The following PSD3 variants were observed in gnomAD, a reference collection of about 807,000 sequenced individuals.
The protein encoded by PSD3 is pleckstrin and Sec7 domain containing 3.
A neutral mutation model predicts 105.5 loss-of-function variants in PSD3; 49 were observed. The ratio of observed to expected loss-of-function variants is 0.46; its 90% CI spans 0.37 to 0.59. PSD3 has a LOEUF of 0.59. PSD3 is among the 20% of genes least tolerant of loss of function. PSD3 has a pLI of 0.00. For synonymous variants in PSD3, 557 were observed against 457.8 expected, an observed-to-expected ratio of 1.22 and a Z score of -2.77; for missense variants, 1,561 against 1,263.8, an observed-to-expected ratio of 1.24 and a Z score of -3.57.
In PSD3 at chr8:19,078,343, C is replaced by A. The variant is rs182604056; in HGVS notation, c.324+5863G>T. 4.6e-5 allele frequency among the ~76,000 whole-genome samples: 7 copies of A among 152,278 alleles called. No individual in the cohort carries two copies. In the East Asian group the frequency reaches 9.6e-4, roughly 21 times the overall value. ...CAAAGGATGCTGTTTTTAAAAATCT[C>A]CCCAAAGTCTATAACATGTATAATT... On this transcript the variant is annotated intron_variant, in intron 1 of 1. Transcript: ENST00000521475.
chr8:19,021,360 C>G (rs1055971628), intron 1 of PSD3, among the ~76,000 whole-genome samples: 10 of 152,072 alleles, frequency 6.6e-5, no homozygotes, highest in Non-Finnish European at 1.5e-5. Context: ...AGAGATAGTG[C>G]TATATGCCTG....
intron 11 of PSD3, among the ~76,000 whole-genome samples, chr8:18,608,766 A>T (rs981364207): frequency 3.9e-5 from 6 of 152,196 alleles, no homozygotes; most frequent in African/African-American, 1.4e-4. Context: ...TTTATGCCAG[A>T]AAAGTTTTTT....
intron 8 of PSD3, among the ~76,000 whole-genome samples, chr8:18,798,901 T>C (rs754566777): frequency 7.2e-5 from 11 of 152,204 alleles, no homozygotes; most frequent in Non-Finnish European, 8.8e-5. Flanking sequence ...GGCTGAGTTA[T>C]TCAACTCACT....
intron 8 of PSD3, 85 bp from the exon 9 acceptor site, chr8:18,765,623 T>C (rs1226601621): frequency 3.3e-6 from 4 of 1,206,014 alleles, no homozygotes; most frequent in African/African-American, 1.5e-5. Context: ...AGACCAATAA[T>C]TTGTTTCTAA....
chr8:18,596,408 A>G (rs1485282740), intron 12 of PSD3, among the ~76,000 whole-genome samples: 1 of 152,042 alleles, frequency 6.6e-6, no homozygotes, highest in African/African-American at 2.4e-5. Context: ...GAAATAGAGA[A>G]ATGAAAATCA....
chr8:18,573,749 A>C (rs1802301222), intron 13 of PSD3, among the ~76,000 whole-genome samples: 1 of 152,192 alleles, frequency 6.6e-6, no homozygotes, highest in Non-Finnish European at 1.5e-5. Context: ...GCAATACTGC[A>C]GAGGCAGAAA....
At chr8:18,954,177 C>T (rs1157138627) in intron 1 of PSD3, among the ~76,000 whole-genome samples, 3 of 151,890 alleles carry the variant, frequency 2.0e-5, no homozygotes, top group Non-Finnish European at 4.4e-5. Flanking sequence ...TCTGTATTAG[C>T]CATAAATATT....
At chr8:18,552,225 C>A (rs1800811093) in intron 15 of PSD3, among the ~76,000 whole-genome samples, 2 of 152,178 alleles carry the variant, frequency 1.3e-5, no homozygotes, top group South Asian at 4.1e-4. Context: ...GTAGCCCAGT[C>A]ATGGATTTAA....
intron 15 of PSD3, among the ~76,000 whole-genome samples, chr8:18,551,375 T>C (rs1211514928): frequency 1.3e-5 from 2 of 152,208 alleles, no homozygotes; most frequent in Non-Finnish European, 2.9e-5. Flanking sequence ...CAGATATGAA[T>C]GGTTATGGGC....
chr8:18,925,409 A>G (rs1821299416), intron 2 of PSD3, among the ~76,000 whole-genome samples: 1 of 151,870 alleles, frequency 6.6e-6, no homozygotes, highest in Non-Finnish European at 1.5e-5. Context: ...ATATATATAC[A>G]CACACACACA....
At chr8:18,547,991 T>C (rs1800547093) in intron 15 of PSD3, among the ~76,000 whole-genome samples, 1 of 152,174 alleles carries the variant, frequency 6.6e-6, no homozygotes, top group African/African-American at 2.4e-5. Flanking sequence ...CTCCCTTCCT[T>C]TTCATTCTTT....
At chr8:19,075,921 T>C (rs6586802) in intron 1 of PSD3, among the ~76,000 whole-genome samples, 63,829 of 152,082 alleles carry the variant, frequency 0.42, 13,988 homozygotes, top group East Asian at 0.72. Context: ...TAATCAACAA[T>C]GTAATTCCTG....
At chr8:18,586,322 T>C (rs911531812) in intron 12 of PSD3, among the ~76,000 whole-genome samples, 4 of 152,186 alleles carry the variant, frequency 2.6e-5, no homozygotes, top group Admixed American at 1.3e-4. Flanking sequence ...CTGATGACTA[T>C]TGTGACTTTT....
At chr8:18,907,864 T>C (rs1819949724) in intron 2 of PSD3, among the ~76,000 whole-genome samples, 1 of 152,246 alleles carries the variant, frequency 6.6e-6, no homozygotes, top group Non-Finnish European at 1.5e-5. Flanking sequence ...ATTTAAACTT[T>C]TTTCAATAAG....
intron 1 of PSD3, among the ~76,000 whole-genome samples, chr8:19,024,564 ACTTACGATGACAC>A (rs1326030501): frequency 1.3e-5 from 2 of 152,174 alleles, no homozygotes; most frequent in African/African-American, 4.8e-5. Flanking sequence ...TAAAGAAGCC[ACTTACGATGACAC>A]CTGAGCTTAT....
At chr8:18,873,441 T>C (rs1817524751) in intron 2 of PSD3, among the ~76,000 whole-genome samples, 1 of 150,700 alleles carries the variant, frequency 6.6e-6, no homozygotes, top group Non-Finnish European at 1.5e-5. Context: ...TATATCTAGA[T>C]ATATGTTTAC....
chr8:18,622,436 C>T (rs551076835), intron 11 of PSD3, among the ~76,000 whole-genome samples: 2 of 152,284 alleles, frequency 1.3e-5, no homozygotes, highest in African/African-American at 4.8e-5. Context: ...CAGTTTTGTG[C>T]TGTGCTAGAT....
intron 2 of PSD3, among the ~76,000 whole-genome samples, chr8:18,891,147 T>C (rs1407502388): frequency 2.0e-5 from 3 of 152,154 alleles, no homozygotes; most frequent in East Asian, 1.9e-4. Flanking sequence ...ACCAGGTAGA[T>C]ATCAGGTATA....
intron 1 of PSD3, among the ~76,000 whole-genome samples, chr8:19,080,719 C>T (rs1011222094): frequency 1.3e-5 from 2 of 152,042 alleles, no homozygotes; most frequent in African/African-American, 4.8e-5. Context: ...TTTTGAGGAC[C>T]AACGGTGAGG....
Sources: allele counts gnomAD v4.1 joint callset (sites outside exome capture counted in the v4.1 genomes callset), GRCh38; gene constraint gnomAD v4.1.1; transcripts MANE v1.5; gene names NCBI Gene and HGNC (gene_info 2026-07-23, HGNC 2026-07-21).